Variants in PTPRM observed in about 807,000 individuals in gnomAD.
PTPRM encodes receptor-type tyrosine-protein phosphatase mu.
Under a neutral mutation model 186.7 loss-of-function variants are expected in PTPRM, and 47 were observed. The ratio of observed to expected loss-of-function variants is 0.25; its 90% CI spans 0.20 to 0.32. PTPRM has a LOEUF of 0.32. PTPRM is among the 10% of genes least tolerant of loss of function. PTPRM has a pLI of 1.00. For missense variants in PTPRM, 1,494 were observed against 1,865.0 expected (o/e 0.80, Z 3.66); for synonymous variants, 668 against 674.9 (o/e 0.99, Z 0.16).
intron 1 of PTPRM, among the ~76,000 whole-genome samples, chr18:7,699,710 TAG>T (rs2039919321): frequency 6.9e-6 from 1 of 145,682 alleles, no homozygotes; most frequent in Non-Finnish European, 1.5e-5. Context: ...TTAATTTTAA[TAG>T]AGTCTAACTT....
chr18:8,143,999 T>C (rs1056740201), intron 14 of PTPRM, among the ~76,000 whole-genome samples: 1 of 152,202 alleles, frequency 6.6e-6, no homozygotes, highest in African/African-American at 2.4e-5. Context: ...AAGCATATCA[T>C]ATCAGAATAA....
chr18:8,174,562 G>T (rs957681459), intron 14 of PTPRM, among the ~76,000 whole-genome samples: 1 of 152,212 alleles, frequency 6.6e-6, no homozygotes, highest in Admixed American at 6.5e-5. Flanking sequence ...CTGACCAAGT[G>T]TGGAGGATTA....
intron 1 of PTPRM, among the ~76,000 whole-genome samples, chr18:7,693,288 C>T (rs1481560315): frequency 1.3e-5 from 2 of 152,152 alleles, no homozygotes; most frequent in East Asian, 3.9e-4. Context: ...TCTTACCATC[C>T]TTATGAAGGT....
chr18:8,134,762 T>A (rs1201608179), intron 13 of PTPRM, among the ~76,000 whole-genome samples: 2 of 152,174 alleles, frequency 1.3e-5, no homozygotes, highest in Non-Finnish European at 2.9e-5. Context: ...TAGGCCCTCC[T>A]CTTTACAACT....
At position 8,062,191 on chromosome 18, in the gene PTPRM, G is replaced by C. The variant is rs1379983801; in HGVS notation, c.1133-7495G>C. Among the ~76,000 whole-genome samples the C allele has an allele frequency of 2.0e-4, 9 of 44,894 alleles. 1 individual carries two copies. In the East Asian group the frequency reaches 3.2e-3, roughly 16 times the overall value. The allele number at this position is 44,894 out of a possible 152,430, so 29.5% of individuals were successfully genotyped here. A position where few individuals can be genotyped will look rare whatever the true frequency, so the allele number is the denominator to read the frequency against. On this transcript the variant is annotated intron_variant, in intron 7 of 32. Coordinates refer to ENST00000580170, the MANE Select transcript of PTPRM (RefSeq NM_001105244.2). The stretch of plus-strand genomic sequence containing the variant: ...CTTTTTTCTCTAAACTTCCCTTCTC[G>C]CTTCATTTCATTCATTTCATCTTCC...
chr18:7,588,085 A>G (rs551629746), intron 1 of PTPRM, among the ~76,000 whole-genome samples: 1 of 152,288 alleles, frequency 6.6e-6, no homozygotes, highest in South Asian at 2.1e-4. Context: ...TTATTAGTCT[A>G]TAGGAATGCC....
intron 1 of PTPRM, among the ~76,000 whole-genome samples, chr18:7,694,546 C>T (rs2144666601): frequency 6.6e-6 from 1 of 152,024 alleles, no homozygotes; most frequent in South Asian, 2.1e-4. Context: ...CCTGCCTCAG[C>T]CTCCCAAGTA....
chr18:7,873,506 A>T (rs529356208), intron 2 of PTPRM, among the ~76,000 whole-genome samples: 218 of 152,302 alleles, frequency 1.4e-3, no homozygotes, highest in African/African-American at 5.0e-3. Flanking sequence ...ATGGTTACCG[A>T]AGGGACCAAA....
At chr18:8,106,026 C>G (rs1175261501) in intron 11 of PTPRM, among the ~76,000 whole-genome samples, 1 of 152,186 alleles carries the variant, frequency 6.6e-6, no homozygotes, top group Non-Finnish European at 1.5e-5. Flanking sequence ...CCGGCCCACC[C>G]TCAGGTACCT....
In PTPRM at chr18:8,319,333, G is replaced by A. The variant is rs118145480; in HGVS notation, c.2956+119G>A. On this transcript the variant is annotated intron_variant, in intron 22 of 32. Transcript: ENST00000580170. Reference sequence around the variant, plus strand: ...CACATTTATTGCGGTTCTAGCCATCGGCAGGTACACTCTTGCCTTCCCATC... The same window carrying A: ...CACATTTATTGCGGTTCTAGCCATCAGCAGGTACACTCTTGCCTTCCCATC... 546 of 665,344 alleles carry A rather than the reference G, an allele frequency of 8.2e-4. 5 individuals carry two copies. In the East Asian group the frequency reaches 0.014, roughly 17 times the overall value. The allele number at this position is 665,344 out of a possible 1,614,324, so 41.2% of individuals were successfully genotyped here.
At chr18:8,076,337 G>C (rs748210984) in intron 8 of PTPRM, 118 bp from the exon 9 acceptor site, 23 of 640,602 alleles carry the variant, frequency 3.6e-5, no homozygotes, top group Non-Finnish European at 5.3e-5. Flanking sequence ...GAAAAATTGA[G>C]TATATGTGTG....
chr18:7,569,661 C>G (rs1353344464), intron 1 of PTPRM, among the ~76,000 whole-genome samples: 1 of 152,158 alleles, frequency 6.6e-6, no homozygotes, highest in Admixed American at 6.5e-5. Context: ...GGAGTGGAAA[C>G]AAATATTTAT....
At chr18:8,333,050 G>A (rs1043745217) in intron 22 of PTPRM, among the ~76,000 whole-genome samples, 11 of 152,124 alleles carry the variant, frequency 7.2e-5, no homozygotes, top group African/African-American at 2.4e-4. Flanking sequence ...AAGTATTGCC[G>A]AGTTTTCCCC....
intron 7 of PTPRM, among the ~76,000 whole-genome samples, chr18:7,994,037 A>G (rs1366784313): frequency 6.6e-6 from 1 of 152,102 alleles, no homozygotes; most frequent in Non-Finnish European, 1.5e-5. Context: ...AAAAATATAT[A>G]ATATAGCAAG....
At chr18:8,390,285 A>T (rs1313969726) in intron 31 of PTPRM, among the ~76,000 whole-genome samples, 1 of 152,264 alleles carries the variant, frequency 6.6e-6, no homozygotes, top group African/African-American at 2.4e-5. Context: ...CCTTCTAGAT[A>T]GATGGTAGAC....
chr18:8,338,106 CAG>C (rs1568777266), intron 22 of PTPRM, among the ~76,000 whole-genome samples: 2 of 151,772 alleles, frequency 1.3e-5, no homozygotes, highest in Non-Finnish European at 2.9e-5. Context: ...GTGGAGGAAA[CAG>C]GGTGTGCTGT....
intron 7 of PTPRM, among the ~76,000 whole-genome samples, chr18:7,966,676 AGTCAAAGAAAGGGGTGACGGGCGC>A: frequency 6.8e-6 from 1 of 147,844 alleles, no homozygotes; most frequent in African/African-American, 2.5e-5. Context: ...TCCCTTTCCG[AGTCAAAGAAAGGGGTGACGGGCGC>A]ACCTGGAAAA....
intron 7 of PTPRM, among the ~76,000 whole-genome samples, 159 bp from the exon 8 acceptor site, chr18:8,069,527 G>T (rs1311968822): frequency 6.6e-6 from 1 of 152,182 alleles, no homozygotes; most frequent in African/African-American, 2.4e-5. Flanking sequence ...CTTTATTCTG[G>T]GTAGCCAAAT....
chr18:7,598,842 G>A (rs991657247), intron 1 of PTPRM, among the ~76,000 whole-genome samples: 5 of 149,908 alleles, frequency 3.3e-5, no homozygotes, highest in Non-Finnish European at 5.9e-5. Flanking sequence ...CCCTTGGCGC[G>A]GTAGCCAATT....
Sources: gnomAD v4.1 joint callset for allele counts (sites outside exome capture counted in the v4.1 genomes callset) on GRCh38, gnomAD v4.1.1 for gene constraint, MANE v1.5 for transcripts, NCBI Gene and HGNC (gene_info 2026-07-23, HGNC 2026-07-21) for gene names.